TMEM82: variants seen among roughly 807,000 people sequenced by gnomAD.
The protein encoded by TMEM82 is transmembrane protein 82.
TMEM82 carries 30 observed loss-of-function variants against 29.2 expected under a neutral mutation model. The ratio of observed to expected loss-of-function variants is 1.03; its 90% CI spans 0.77 to 1.39. The LOEUF (loss-of-function observed/expected upper bound fraction) is 1.39. Ranked by LOEUF, TMEM82 falls within the 40% of genes most tolerant of loss-of-function variation. The pLI is 0.00. For synonymous variants in TMEM82, 221 were observed against 225.4 expected (o/e 0.98, Z 0.18); for missense variants, 442 against 447.7 (o/e 0.99, Z 0.12).
At position 15,743,002 on chromosome 1, in the gene TMEM82, C is replaced by T; in HGVS notation, c.162-18C>T. ...TGGCAGTTCTGCACCCCTGCCCACA[C>T]CCATTCTGTCCCCAAAGTGACCCGC... On this transcript the variant is annotated intron_variant, in intron 2 of 5. Coordinates refer to ENST00000375782, the MANE Select transcript of TMEM82 (RefSeq NM_001013641.3). 1.3e-6 allele frequency: 2 copies of T among 1,598,960 alleles called. No individual in the cohort carries two copies. Among genetic ancestry groups the T allele is most frequent in the South Asian group, 1.1e-5 (1 of 89,204 alleles).
chr1:15,746,404 CTG>C (rs1169821923), intron 4 of TMEM82, among the ~76,000 whole-genome samples: 3 of 137,318 alleles, frequency 2.2e-5, no homozygotes, highest in Non-Finnish European at 4.6e-5. Context: ...CAGAGTAAGA[CTG>C]TCTCAAAAAA....
chr1:15,745,533 A>AAAAG (rs376584089), intron 4 of TMEM82, among the ~76,000 whole-genome samples: 1 of 144,612 alleles, frequency 6.9e-6, no homozygotes, highest in African/African-American at 2.7e-5. Context: ...GAAAGAGAGA[A>AAAAG]AGAGAGAGAG....
In TMEM82 at chr1:15,744,635, C is replaced by A; in HGVS notation, c.757+55C>A. The A allele has an allele frequency of 6.6e-7, 1 of 1,517,888 alleles. No individual in the cohort carries two copies. Among genetic ancestry groups the A allele is most frequent in the South Asian group, 1.3e-5 (1 of 76,826 alleles). The allele number at this position is 1,517,888 out of a possible 1,614,324, so 94.0% of individuals were successfully genotyped here. A position where few individuals can be genotyped will look rare whatever the true frequency, so the allele number is the denominator to read the frequency against. ...TCCACGCACATCCCTCTGTCTGGGTCAGGCTCCGGGGAGGCCGAGAGCCAT... is the reference window on the plus strand; with the variant it reads ...TCCACGCACATCCCTCTGTCTGGGTAAGGCTCCGGGGAGGCCGAGAGCCAT... On this transcript the variant is annotated intron_variant, in intron 4 of 5. Coordinates refer to ENST00000375782, the MANE Select transcript of TMEM82 (RefSeq NM_001013641.3). The surrounding 1 kb of genome is among the most constrained non-coding windows in gnomAD (Gnocchi z 5.2).
At position 15,742,655 on chromosome 1, in the gene TMEM82, C is replaced by T; in HGVS notation, c.88+8C>T. 1 of 1,608,300 alleles carries T rather than the reference C, an allele frequency of 6.2e-7. No homozygotes were observed. The highest frequency in any genetic ancestry group is 8.5e-7 in the Non-Finnish European group (1 of 1,178,820). ...TTGACTCCCTCCTGCAAGGTGAGCA[C>T]CTCGCCCCATTCCTGCCTTGGCCCC... On this transcript the variant is annotated splice_region_variant and intron_variant, in intron 1 of 5. Coordinates refer to ENST00000375782, the MANE Select transcript of TMEM82 (RefSeq NM_001013641.3).
At chr1:15,743,622 C>A (rs766698549) in intron 3 of TMEM82, among the ~76,000 whole-genome samples, 1 of 152,166 alleles carries the variant, frequency 6.6e-6, no homozygotes. Context: ...GACTCTGAAC[C>A]ACCACCCTTC....
chr1:15,744,147 G>T lies in TMEM82; in HGVS notation c.337-13G>T. On this transcript the variant is annotated splice_polypyrimidine_tract_variant and intron_variant, in intron 3 of 5. Coordinates refer to ENST00000375782, the MANE Select transcript of TMEM82 (RefSeq NM_001013641.3). This position sits in a 1 kb window ranked among gnomAD's most constrained non-coding sequence, Gnocchi z 5.2. ...GCCCCCACATCTCGGCCCCTCTTCG[G>T]CACTCCCCGCAGGGCTCCCAGGGTG... 2 of 1,507,348 alleles carry T rather than the reference G, an allele frequency of 1.3e-6. No individual in the cohort carries two copies. Among genetic ancestry groups the T allele is most frequent in the Non-Finnish European group, 8.9e-7 (1 of 1,129,662 alleles). The allele number at this position is 1,507,348 out of a possible 1,614,324, so 93.4% of individuals were successfully genotyped here.
rs562669462 is a variant in TMEM82, at chr1:15,747,155, G to A, written c.945+101G>A. 63 of 1,249,574 alleles carry A rather than the reference G, an allele frequency of 5.0e-5. No individual in the cohort carries two copies. The African/African-American group carries it at 7.3e-4, about 15-fold the overall frequency. The allele number at this position is 1,249,574 out of a possible 1,614,324, so 77.4% of individuals were successfully genotyped here. A position where few individuals can be genotyped will look rare whatever the true frequency, so the allele number is the denominator to read the frequency against. On this transcript the variant is annotated intron_variant, in intron 5 of 5. Transcript: ENST00000375782. ...AGTTTAAGAAGAGCCAGCTGGGCAC[G>A]GTCTCTCACACCTGTAATCCCAAAT...
intron 1 of TMEM82, 55 bp downstream of exon 1, chr1:15,742,702 G>C (rs1389013570): frequency 6.4e-7 from 1 of 1,554,440 alleles, no homozygotes. Flanking sequence ...GCTCTTTGCA[G>C]TGCAGGGTGG....
At chr1:15,743,245 G>T (rs753300703) in intron 3 of TMEM82, 51 bp downstream of exon 3, 2 of 1,553,802 alleles carry the variant, frequency 1.3e-6, no homozygotes, top group East Asian at 2.3e-5. Flanking sequence ...CCCAGGGCCC[G>T]GGCTCACCCC....
rs1557671404 is a variant in TMEM82 at position 15,742,527 on chromosome 1, T to TGGCC, written c.-30_-27dup. 1 of 1,538,072 alleles carries TGGCC rather than the reference T, an allele frequency of 6.5e-7. No individual in the cohort carries two copies. The highest frequency in any genetic ancestry group is 1.4e-5 in the African/African-American group (1 of 72,998). On this transcript the variant is annotated 5_prime_UTR_variant, in exon 1 of 6. Transcript: ENST00000375782. ...ACGTTGGTCTGTCCTTACGCAGACCTGGCCGGAGGCTGGGGCTCCTTCCGG... is the reference window on the plus strand; with the variant it reads ...ACGTTGGTCTGTCCTTACGCAGACCTGGCCGGCCGGAGGCTGGGGCTCCTTCCGG...
Position 15,744,342 on chromosome 1 carries a change from C to A in TMEM82, c.519C>A (p.His173Gln). The change falls in exon 4 of 6, where the codon CAC becomes CAA. Residue 173 changes from histidine to glutamine, a missense_variant. His to Gln is a conservative substitution (Grantham distance 24). Coordinates refer to ENST00000375782, the MANE Select transcript of TMEM82 (RefSeq NM_001013641.3). This position sits in a 1 kb window ranked among gnomAD's most constrained non-coding sequence, Gnocchi z 5.2. The stretch of plus-strand genomic sequence containing the variant: ...TGGGTGCCCGGCGCCTCCACCGCCA[C>A]GTCTGCCGCCTCTACGAGCTGCACA... The part of the protein sequence containing the change: ...LGLGARRLHR[H>Q]VCRLYELHSS... 6.5e-7 allele frequency: 1 copy of A among 1,545,026 alleles called. No homozygotes were observed. The highest frequency in any genetic ancestry group is 8.7e-7 in the Non-Finnish European group (1 of 1,148,566).
rs759244624 is a variant in TMEM82 at position 15,746,854 on chromosome 1, C to T, written c.758-13C>T. On this transcript the variant is annotated splice_polypyrimidine_tract_variant and intron_variant, in intron 4 of 5. Transcript: ENST00000375782. ...TGTGTGGTCGGACGGTGACAGGCAC[C>T]CGCATCCCACAGAGGAGCAGCGGCA... The T allele has an allele frequency of 6.4e-7, 1 of 1,552,628 alleles. No homozygotes were observed. Among genetic ancestry groups the T allele is most frequent in the South Asian group, 1.2e-5 (1 of 86,472 alleles).
In TMEM82 at chr1:15,744,661, C is replaced by A. The variant is rs2068321615; in HGVS notation, c.757+81C>A. ...AGGCTCCGGGGAGGCCGAGAGCCATCAGCCCTCACTCTTGCCATCCCAGAG... is the reference window on the plus strand; with the variant it reads ...AGGCTCCGGGGAGGCCGAGAGCCATAAGCCCTCACTCTTGCCATCCCAGAG... On this transcript the variant is annotated intron_variant, in intron 4 of 5. Transcript: ENST00000375782. This position sits in a 1 kb window ranked among gnomAD's most constrained non-coding sequence, Gnocchi z 5.2. The A allele has an allele frequency of 6.9e-7, 1 of 1,447,906 alleles. No homozygotes were observed. Among genetic ancestry groups the A allele is most frequent in the Non-Finnish European group, 9.2e-7 (1 of 1,083,626 alleles). The allele number at this position is 1,447,906 out of a possible 1,614,324, so 89.7% of individuals were successfully genotyped here.
At chr1:15,743,238 A>T in intron 3 of TMEM82, 44 bp downstream of exon 3, 5 of 1,568,344 alleles carry the variant, frequency 3.2e-6, no homozygotes, top group Non-Finnish European at 4.3e-6. Context: ...TCCCCAGCCC[A>T]GGGCCCGGGC....
intron 4 of TMEM82, among the ~76,000 whole-genome samples, chr1:15,745,892 CAAAAAAAA>C (rs914390608): frequency 3.8e-4 from 33 of 86,358 alleles, no homozygotes; most frequent in Non-Finnish European, 7.7e-4. Context: ...CCATCTCAAA[CAAAAAAAA>C]AAAAAAAAAA....
At chr1:15,747,422 T>C in intron 5 of TMEM82, 124 bp from the exon 6 acceptor site, 1 of 818,242 alleles carries the variant, frequency 1.2e-6, no homozygotes, top group South Asian at 1.6e-5. Context: ...CCCCACCCTG[T>C]CCACAGCCCT....
rs548951291 is a variant in TMEM82 at position 15,742,503 on chromosome 1, C to T, written c.-57C>T. 9.1e-5 allele frequency: 121 copies of T among 1,332,596 alleles called. 1 individual carries two copies. The African/African-American group carries it at 1.6e-3, about 18-fold the overall frequency. The allele number at this position is 1,332,596 out of a possible 1,614,324, so 82.5% of individuals were successfully genotyped here. ...CTCCACCGACACCTTTGCCCAGTGA[C>T]GTTGGTCTGTCCTTACGCAGACCTG... is the stretch of plus-strand genomic sequence containing the variant. On this transcript the variant is annotated 5_prime_UTR_variant, in exon 1 of 6. The change creates a new upstream start codon in the 5' untranslated region. Coordinates refer to ENST00000375782, the MANE Select transcript of TMEM82 (RefSeq NM_001013641.3).
chr1:15,742,923 A>AT lies in TMEM82; in HGVS notation c.161+17dup. 1 of 1,612,376 alleles carries AT rather than the reference A, an allele frequency of 6.2e-7. No individual in the cohort carries two copies. Among genetic ancestry groups the AT allele is most frequent in the Non-Finnish European group, 8.5e-7 (1 of 1,179,716 alleles). ...GCTGTGCCAAGTGAGTGCCCACCTC[A>AT]TCCCCCCAGGGAATGTGGCTGGGGG... On this transcript the variant is annotated intron_variant, in intron 2 of 5. Coordinates refer to ENST00000375782, the MANE Select transcript of TMEM82 (RefSeq NM_001013641.3).
chr1:15,742,504 G>T lies in TMEM82; in HGVS notation c.-56G>T. Reference sequence around the variant, plus strand: ...TCCACCGACACCTTTGCCCAGTGACGTTGGTCTGTCCTTACGCAGACCTGG... The same window carrying T: ...TCCACCGACACCTTTGCCCAGTGACTTTGGTCTGTCCTTACGCAGACCTGG... On this transcript the variant is annotated 5_prime_UTR_variant, in exon 1 of 6. Transcript: ENST00000375782. The T allele has an allele frequency of 7.5e-7, 1 of 1,339,138 alleles. No homozygotes were observed. Among genetic ancestry groups the T allele is most frequent in the South Asian group, 1.5e-5 (1 of 67,756 alleles). The allele number at this position is 1,339,138 out of a possible 1,614,324, so 83.0% of individuals were successfully genotyped here.
Sources: allele counts gnomAD v4.1 joint callset (sites outside exome capture counted in the v4.1 genomes callset), GRCh38; gene constraint gnomAD v4.1.1; non-coding constraint Gnocchi (gnomAD v3.1); transcripts MANE v1.5; gene names NCBI Gene and HGNC (gene_info 2026-07-23, HGNC 2026-07-21).